The following CCSER1 variants were observed in gnomAD, a reference collection of about 807,000 sequenced individuals.
CCSER1 encodes the protein coiled-coil serine rich protein 1.
CCSER1 carries 41 observed loss-of-function variants against 82.0 expected under a neutral mutation model. The ratio of observed to expected loss-of-function variants is 0.50; its 90% CI spans 0.39 to 0.65. The LOEUF (loss-of-function observed/expected upper bound fraction) is 0.65. Among genes scored for constraint, CCSER1 ranks in the 30% least tolerant of loss-of-function variants. CCSER1 has a pLI of 0.00. For missense variants in CCSER1, 1,119 were observed against 1,064.2 expected (o/e 1.05, Z -0.72); for synonymous variants, 414 against 383.9 (o/e 1.08, Z -0.92).
chr4:90,969,531 C>A (rs974179967), intron 9 of CCSER1, among the ~76,000 whole-genome samples: 63 of 151,790 alleles, frequency 4.2e-4, no homozygotes, highest in African/African-American at 1.5e-3. Context: ...GACTGCCAAC[C>A]AAGATACTAC....
At chr4:90,472,876 A>C (rs1764580139) in intron 5 of CCSER1, among the ~76,000 whole-genome samples, 1 of 152,184 alleles carries the variant, frequency 6.6e-6, no homozygotes, top group Non-Finnish European at 1.5e-5. Context: ...ACCATAAAAA[A>C]GAGTGAAATC....
At chr4:90,597,757 C>G (rs12647155) in intron 5 of CCSER1, among the ~76,000 whole-genome samples, 46,695 of 151,790 alleles carry the variant, frequency 0.31, 8,018 homozygotes, top group East Asian at 0.55. Context: ...GATATCTAGG[C>G]TTGTTAATTT....
At chr4:90,319,360 A>G (rs973731688) in intron 3 of CCSER1, among the ~76,000 whole-genome samples, 1 of 152,148 alleles carries the variant, frequency 6.6e-6, no homozygotes, top group East Asian at 1.9e-4. Flanking sequence ...TTGAAATTAA[A>G]AACAAGACAG....
chr4:90,552,261 T>C (rs945420988), intron 5 of CCSER1, among the ~76,000 whole-genome samples: 3 of 152,184 alleles, frequency 2.0e-5, no homozygotes, highest in African/African-American at 7.2e-5. Flanking sequence ...TACATGTTAG[T>C]TGATGATTGT....
intron 10 of CCSER1, among the ~76,000 whole-genome samples, chr4:91,357,019 T>C (rs1394352287): frequency 6.6e-6 from 1 of 152,162 alleles, no homozygotes; most frequent in Non-Finnish European, 1.5e-5. Flanking sequence ...TTGCTTTGTT[T>C]AACGTGCGGA....
intron 9 of CCSER1, among the ~76,000 whole-genome samples, chr4:90,944,558 GT>G (rs1447805852): frequency 1.3e-5 from 2 of 152,152 alleles, no homozygotes; most frequent in African/African-American, 4.8e-5. Flanking sequence ...TTTAGGAGAA[GT>G]TTTTTGGAAT....
chr4:90,633,697 AT>A (rs1724898154), intron 6 of CCSER1, among the ~76,000 whole-genome samples: 1 of 151,938 alleles, frequency 6.6e-6, no homozygotes, highest in African/African-American at 2.4e-5. Flanking sequence ...ACATAAAATT[AT>A]TGGTATAAAG....
At chr4:91,411,213 G>T (rs903945164) in intron 10 of CCSER1, among the ~76,000 whole-genome samples, 1 of 151,548 alleles carries the variant, frequency 6.6e-6, no homozygotes, top group South Asian at 2.1e-4. Flanking sequence ...AGAGGCTTGG[G>T]TGTTATTAAG....
intron 6 of CCSER1, among the ~76,000 whole-genome samples, chr4:90,683,690 A>G (rs1303818580): frequency 6.6e-6 from 1 of 152,134 alleles, no homozygotes; most frequent in African/African-American, 2.4e-5. Context: ...GATTAATTAT[A>G]ATTTTATTTT....
intron 10 of CCSER1, among the ~76,000 whole-genome samples, chr4:91,507,251 A>G (rs1317637157): frequency 6.6e-6 from 1 of 152,090 alleles, no homozygotes; most frequent in Non-Finnish European, 1.5e-5. Context: ...CAACAGCAAC[A>G]TATGAGGATT....
At chr4:91,435,319 T>C (rs1214870182) in intron 10 of CCSER1, among the ~76,000 whole-genome samples, 1 of 151,950 alleles carries the variant, frequency 6.6e-6, no homozygotes, top group Non-Finnish European at 1.5e-5. Context: ...GCTGTGTCTG[T>C]ACTCTCAGCT....
At chr4:90,785,282 C>T (rs1258450143) in intron 7 of CCSER1, among the ~76,000 whole-genome samples, 1 of 152,104 alleles carries the variant, frequency 6.6e-6, no homozygotes, top group Admixed American at 6.5e-5. Flanking sequence ...AAGCAATCCA[C>T]CCTCCTTCGC....
At chr4:91,167,276 T>C (rs182218663) in intron 10 of CCSER1, among the ~76,000 whole-genome samples, 6 of 146,528 alleles carry the variant, frequency 4.1e-5, no homozygotes, top group African/African-American at 1.0e-4. Flanking sequence ...AACCTTTGCC[T>C]CGTGGGTTCA....
At chr4:90,980,859 G>A (rs993745954) in intron 9 of CCSER1, among the ~76,000 whole-genome samples, 2 of 151,722 alleles carry the variant, frequency 1.3e-5, no homozygotes, top group Non-Finnish European at 2.9e-5. Flanking sequence ...GTGAATACTC[G>A]AACTACCACA....
intron 3 of CCSER1, among the ~76,000 whole-genome samples, chr4:90,318,950 A>T (rs543517291): frequency 6.6e-6 from 1 of 152,292 alleles, no homozygotes; most frequent in South Asian, 2.1e-4. Context: ...CATTTTGACC[A>T]TCTCTAAGTT....
In CCSER1 at chr4:90,460,324, C is replaced by CAAAAAAAAAAAAAAAAAA. The variant is rs751331396; in HGVS notation, c.1604-7906_1604-7889dup. 5.0e-3 allele frequency among the ~76,000 whole-genome samples: 161 copies of CAAAAAAAAAAAAAAAAAA among 32,502 alleles called. 1 individual carries two copies. The highest frequency in any genetic ancestry group is 7.7e-3 in the Non-Finnish European group (131 of 17,094). The allele number at this position is 32,502 out of a possible 152,430, so 21.3% of individuals were successfully genotyped here. On this transcript the variant is annotated intron_variant, in intron 4 of 10. Transcript: ENST00000509176. ...TGGGCGACAGAGCGAAACTCCGTCT[C>CAAAAAAAAAAAAAAAAAA]AAAAAAAAAAAAAAAAAAAAACTAA...
chr4:90,708,904 GT>G (rs1739951337), intron 6 of CCSER1, among the ~76,000 whole-genome samples: 1 of 152,126 alleles, frequency 6.6e-6, no homozygotes, highest in African/African-American at 2.4e-5. Context: ...TCAAGTGGTA[GT>G]AAAAATTAAG....
At chr4:90,374,547 G>A (rs1285190648) in intron 3 of CCSER1, among the ~76,000 whole-genome samples, 2 of 152,060 alleles carry the variant, frequency 1.3e-5, no homozygotes, top group Non-Finnish European at 2.9e-5. Context: ...CTGTCATTCT[G>A]AATATATATT....
intron 1 of CCSER1, among the ~76,000 whole-genome samples, chr4:90,153,266 T>C (rs1225384541): frequency 6.6e-6 from 1 of 152,138 alleles, no homozygotes; most frequent in African/African-American, 2.4e-5. Context: ...TTGCCACATT[T>C]TCTTAATCCA....
Sources: allele counts gnomAD v4.1 joint callset (sites outside exome capture counted in the v4.1 genomes callset), GRCh38; gene constraint gnomAD v4.1.1; transcripts MANE v1.5; gene names NCBI Gene and HGNC (gene_info 2026-07-23, HGNC 2026-07-21).